Variants in HEMK2 observed in about 807,000 individuals in gnomAD.
HEMK2 encodes the protein HemK methyltransferase 2, ETF1 glutamine and histone H4 lysine, also known as methyltransferase HEMK2.
At chr21:28,756,844 A>T in the HEMK2 span, among the ~76,000 whole-genome samples, 2 of 152,248 alleles carry the variant, frequency 1.3e-5, no homozygotes, top group African/African-American at 4.8e-5. Flanking sequence ...CTCCTTCAGC[A>T]TCTAGACAAT....
At chr21:28,794,090 C>T in the HEMK2 span, among the ~76,000 whole-genome samples, 2 of 152,018 alleles carry the variant, frequency 1.3e-5, no homozygotes, top group African/African-American at 4.8e-5. Flanking sequence ...CTTTTCAGTA[C>T]ACTCCTTCAG....
At chr21:28,579,308 G>A in the HEMK2 span, among the ~76,000 whole-genome samples, 3 of 152,094 alleles carry the variant, frequency 2.0e-5, no homozygotes, top group Non-Finnish European at 4.4e-5. Flanking sequence ...TTGTGTGTAT[G>A]TGTTTATATA....
chr21:28,820,000 G>C, the HEMK2 span, among the ~76,000 whole-genome samples: 2 of 152,060 alleles, frequency 1.3e-5, no homozygotes, highest in Non-Finnish European at 2.9e-5. Flanking sequence ...TTTATTAAGT[G>C]ATATGAATTC....
the HEMK2 span, among the ~76,000 whole-genome samples, chr21:28,861,564 A>G: frequency 6.6e-6 from 1 of 152,180 alleles, no homozygotes; most frequent in Admixed American, 6.5e-5. Context: ...CACTTTATGC[A>G]GTGATTCTCC....
At chr21:28,825,572 A>C in the HEMK2 span, among the ~76,000 whole-genome samples, 1 of 152,196 alleles carries the variant, frequency 6.6e-6, no homozygotes, top group Non-Finnish European at 1.5e-5. Context: ...TAAACAAAAC[A>C]GGAGCTCCAT....
chr21:28,737,982 T>G, the HEMK2 span, among the ~76,000 whole-genome samples: 1 of 152,208 alleles, frequency 6.6e-6, no homozygotes, highest in Non-Finnish European at 1.5e-5. Context: ...CCAATTGCAC[T>G]GTGTTTTCAT....
At chr21:28,823,309 G>A in the HEMK2 span, among the ~76,000 whole-genome samples, 7 of 152,238 alleles carry the variant, frequency 4.6e-5, no homozygotes, top group South Asian at 1.5e-3. Context: ...AAAGTGCTCT[G>A]GGGATTTTCA....
chr21:28,661,784 T>C, the HEMK2 span, among the ~76,000 whole-genome samples: 5 of 152,138 alleles, frequency 3.3e-5, no homozygotes, highest in South Asian at 4.1e-4. Flanking sequence ...CGTGTGGCTA[T>C]TGAGTGCTTG....
At chr21:28,604,597 C>T in the HEMK2 span, among the ~76,000 whole-genome samples, 1 of 151,266 alleles carries the variant, frequency 6.6e-6, no homozygotes, top group Non-Finnish European at 1.5e-5. Context: ...CAGTAAATGA[C>T]CTGCTGTACA....
At chr21:28,828,797 G>A in the HEMK2 span, among the ~76,000 whole-genome samples, 80,762 of 151,970 alleles carry the variant, frequency 0.53, 24,482 homozygotes, top group African/African-American at 0.82. Flanking sequence ...CCATCTCTGT[G>A]AAGAAACCGA....
At chr21:28,682,440 T>TG in the HEMK2 span, among the ~76,000 whole-genome samples, 5 of 150,276 alleles carry the variant, frequency 3.3e-5, no homozygotes, top group African/African-American at 1.2e-4. Context: ...AGGAACACTT[T>TG]TACACTGTTG....
the HEMK2 span, among the ~76,000 whole-genome samples, chr21:28,790,346 T>C: frequency 6.6e-6 from 1 of 152,180 alleles, no homozygotes; most frequent in Non-Finnish European, 1.5e-5. Context: ...GGATTAATTG[T>C]TGTTAATGGT....
At chr21:28,815,085 A>G in the HEMK2 span, among the ~76,000 whole-genome samples, 4 of 152,228 alleles carry the variant, frequency 2.6e-5, no homozygotes, top group African/African-American at 7.2e-5. Flanking sequence ...TTGTAGGGAC[A>G]TGGATGAAGC....
the HEMK2 span, among the ~76,000 whole-genome samples, chr21:28,725,648 C>T: frequency 2.0e-5 from 3 of 152,218 alleles, no homozygotes. Context: ...GACTCAGACC[C>T]CAGTTACTGT....
chr21:28,604,787 C>T, the HEMK2 span, among the ~76,000 whole-genome samples: 1 of 152,206 alleles, frequency 6.6e-6, no homozygotes, highest in East Asian at 1.9e-4. Context: ...ACACCATTTG[C>T]TTTTTAGCTT....
the HEMK2 span, among the ~76,000 whole-genome samples, chr21:28,669,114 T>C: frequency 2.0e-5 from 3 of 152,180 alleles, no homozygotes; most frequent in African/African-American, 7.2e-5. Flanking sequence ...AATCCAGCAC[T>C]TTGGGAGGCC....
the HEMK2 span, among the ~76,000 whole-genome samples, chr21:28,765,819 A>T: frequency 6.6e-6 from 1 of 152,014 alleles, no homozygotes; most frequent in Non-Finnish European, 1.5e-5. Flanking sequence ...TGAGAAAGCC[A>T]AGTGTGAGTA....
At chr21:28,632,186 T>C in the HEMK2 span, among the ~76,000 whole-genome samples, 1 of 152,246 alleles carries the variant, frequency 6.6e-6, no homozygotes, top group Non-Finnish European at 1.5e-5. Context: ...ACATAAGCAA[T>C]TATGATGGTT....
the HEMK2 span, among the ~76,000 whole-genome samples, chr21:28,627,183 G>A: frequency 2.0e-5 from 3 of 152,142 alleles, no homozygotes; most frequent in African/African-American, 7.2e-5. Context: ...TTCTAGAACA[G>A]GTAACATTAA....
Sources: allele counts gnomAD v4.1 joint callset (sites outside exome capture counted in the v4.1 genomes callset), GRCh38; gene constraint gnomAD v4.1.1; transcripts MANE v1.5; gene names NCBI Gene and HGNC (gene_info 2026-07-23, HGNC 2026-07-21).